The following HECTD2 variants were observed in gnomAD, a reference collection of about 807,000 sequenced individuals.
The protein encoded by HECTD2 is HECT domain E3 ubiquitin protein ligase 2, also known as probable E3 ubiquitin-protein ligase HECTD2.
A neutral mutation model predicts 103.2 loss-of-function variants in HECTD2; 35 were observed. That is an observed-to-expected ratio of 0.34 (90% CI 0.26 to 0.45). HECTD2 has a LOEUF of 0.45. Ranked by LOEUF, HECTD2 falls within the 20% of genes least tolerant of loss-of-function variation. The probability of loss-of-function intolerance (pLI) is 1.00; values close to 1 mark genes in which losing one functional copy is unlikely to be tolerated. For synonymous variants in HECTD2, 281 were observed against 329.9 expected (o/e 0.85, Z 1.61); for missense variants, 596 against 937.4 (o/e 0.64, Z 4.76).
At chr10:91,468,888 ATT>A (rs1845623045) in intron 5 of HECTD2, among the ~76,000 whole-genome samples, 2 of 144,642 alleles carry the variant, frequency 1.4e-5, no homozygotes, top group Admixed American at 1.4e-4. Context: ...GTGAGCTATG[ATT>A]GCACCACCAC....
intron 1 of HECTD2, among the ~76,000 whole-genome samples, chr10:91,415,124 G>C (rs1038254855): frequency 1.3e-5 from 2 of 151,774 alleles, no homozygotes; most frequent in African/African-American, 4.8e-5. Flanking sequence ...AAATGAAAGA[G>C]AAGAAAGATT....
At chr10:91,415,852 G>C (rs890603999) in intron 1 of HECTD2, among the ~76,000 whole-genome samples, 3 of 152,288 alleles carry the variant, frequency 2.0e-5, no homozygotes, top group African/African-American at 7.2e-5. Flanking sequence ...GGTATGAATA[G>C]ATCATTAAAT....
intron 1 of HECTD2, among the ~76,000 whole-genome samples, chr10:91,420,230 C>A (rs1843294653): frequency 6.7e-6 from 1 of 148,622 alleles, no homozygotes; most frequent in Non-Finnish European, 1.5e-5. Context: ...AAACAAGAGA[C>A]TTATTAGACC....
chr10:91,489,242 T>C (rs1290850610), intron 11 of HECTD2: 1 of 152,092 alleles, frequency 6.6e-6, no homozygotes, highest in Non-Finnish European at 1.5e-5. Flanking sequence ...AACGAATGAG[T>C]AGACACTTGA....
intron 20 of HECTD2, 77 bp downstream of exon 20, chr10:91,501,411 A>T: frequency 1.1e-6 from 1 of 892,562 alleles, no homozygotes; most frequent in South Asian, 2.0e-5. Flanking sequence ...ATTTGGAATC[A>T]GGATGTGTAC....
chr10:91,409,898 G>A, upstream of HECTD2, among the ~76,000 whole-genome samples: 1 of 152,176 alleles, frequency 6.6e-6, no homozygotes, highest in East Asian at 1.9e-4. Context: ...CCGCAGGCCA[G>A]GGCCGTCCGT....
chr10:91,460,923 A>C (rs1221285525), intron 3 of HECTD2, among the ~76,000 whole-genome samples: 1 of 152,196 alleles, frequency 6.6e-6, no homozygotes, highest in African/African-American at 2.4e-5. Context: ...CAAAAAATCC[A>C]GATGCATATT....
At chr10:91,506,283 C>T (rs140631266) in intron 20 of HECTD2, among the ~76,000 whole-genome samples, 6,504 of 152,004 alleles carry the variant, frequency 0.043, 44 homozygotes, top group Non-Finnish European at 0.062. Context: ...CAGAGCAGAA[C>T]TGAAGGAAAT....
At chr10:91,484,238 G>T in intron 8 of HECTD2, 1 of 722,852 alleles carries the variant, frequency 1.4e-6, no homozygotes, top group Non-Finnish European at 2.2e-6. Context: ...TGGAAATATA[G>T]AATCTGTGAA....
chr10:91,464,329 T>TA (rs1336760889), intron 5 of HECTD2, among the ~76,000 whole-genome samples: 2 of 152,150 alleles, frequency 1.3e-5, no homozygotes, highest in Admixed American at 1.3e-4. Context: ...CTCTGTGGCT[T>TA]AAAAAATTGC....
At position 91,415,193 on chromosome 10, in the gene HECTD2, A is replaced by AGTGTGTGTGTGTGTGTGT. The variant is rs397846279; in HGVS notation, c.138+4638_138+4655dup. On this transcript the variant is annotated intron_variant, in intron 1 of 20. Coordinates refer to ENST00000298068, the MANE Select transcript of HECTD2 (RefSeq NM_182765.6). ...GTCAATAGCATTCCAAATTAGAGAA[A>AGTGTGTGTGTGTGTGTGT]GTGTGTGTGTGTGTGTGTGTGTGTG... Among the ~76,000 whole-genome samples the AGTGTGTGTGTGTGTGTGT allele has an allele frequency of 3.9e-3, 550 of 141,726 alleles. 2 individuals are homozygous for AGTGTGTGTGTGTGTGTGT. The highest frequency in any genetic ancestry group is 5.7e-3 in the African/African-American group (218 of 37,916). 93.0% of individuals were successfully genotyped at this position (141,726 alleles called of 152,430 possible).
At chr10:91,505,706 CA>C (rs1847131458) in intron 20 of HECTD2, among the ~76,000 whole-genome samples, 1 of 151,530 alleles carries the variant, frequency 6.6e-6, no homozygotes, top group Non-Finnish European at 1.5e-5. Context: ...CAACATTAGA[CA>C]GATCAACGAG....
intron 20 of HECTD2, among the ~76,000 whole-genome samples, chr10:91,504,498 A>G (rs1170889442): frequency 4.0e-4 from 61 of 152,314 alleles, no homozygotes; most frequent in African/African-American, 3.6e-4. Flanking sequence ...CTCAGGAGCC[A>G]ATGCGATAAA....
chr10:91,434,925 T>A (rs1844051621), intron 2 of HECTD2, among the ~76,000 whole-genome samples: 1 of 151,974 alleles, frequency 6.6e-6, no homozygotes, highest in African/African-American at 2.4e-5. Context: ...TAAAAAGTAA[T>A]TCTATATCTT....
intron 5 of HECTD2, 91 bp from the exon 6 acceptor site, chr10:91,478,110 A>T (rs113450507): frequency 1.2e-6 from 1 of 833,718 alleles, no homozygotes; most frequent in Admixed American, 2.0e-5. Flanking sequence ...TCTGATTTTA[A>T]CTATTGAAAC....
chr10:91,497,456 ATTTTTTTTTTTTTT>A (rs34254753), intron 15 of HECTD2, among the ~76,000 whole-genome samples: 3 of 74,774 alleles, frequency 4.0e-5, no homozygotes, highest in Admixed American at 2.3e-4. Flanking sequence ...ACACCTGGCT[ATTTTTTTTTTTTTT>A]TTTTTTTTTT....
rs756193649 is a variant in HECTD2 at position 91,478,237 on chromosome 10, A to G, written c.637A>G (p.Ile213Val). 6.2e-7 allele frequency: 1 copy of G among 1,609,926 alleles called. No individual in the cohort carries two copies. The highest frequency in any genetic ancestry group is 2.2e-5 in the East Asian group (1 of 44,738). ...DVQKTVLKGIINSLLREWKGP... is the reference protein window; with the variant it reads ...DVQKTVLKGIVNSLLREWKGP... ...TCAGAAGACAGTATTAAAGGGAATC[A>G]TTAACAGCCTGTTACGAGAATGGAA... The change falls in exon 6 of 21, where the codon ATT becomes GTT. Residue 213 changes from isoleucine (I) to valine (V), a missense_variant. This residue lies in a region of HECTD2 where 303 missense variants were observed against 522.5 expected (regional missense o/e 0.58). Coordinates refer to ENST00000298068, the MANE Select transcript of HECTD2 (RefSeq NM_182765.6).
chr10:91,450,626 T>A (rs1223340769), intron 2 of HECTD2, among the ~76,000 whole-genome samples: 2 of 151,472 alleles, frequency 1.3e-5, no homozygotes, highest in African/African-American at 4.9e-5. Flanking sequence ...AATCTATCCA[T>A]CTGACAAAGG....
In HECTD2 at chr10:91,410,401, C is replaced by A; in HGVS notation, c.-38C>A. The A allele has an allele frequency of 1.6e-6, 2 of 1,277,316 alleles. No homozygotes were observed. The highest frequency in any genetic ancestry group is 2.0e-6 in the Non-Finnish European group (2 of 998,898). 79.1% of individuals were successfully genotyped at this position (1,277,316 alleles called of 1,614,324 possible). A position where few individuals can be genotyped will look rare whatever the true frequency, so the allele number is the denominator to read the frequency against. On this transcript the variant is annotated 5_prime_UTR_variant, in exon 1 of 21. Transcript: ENST00000298068. Reference sequence around the variant, plus strand: ...GCGCCAGCCCCAGCAACACTGAGGCCGCCGCCGCCGCCTGGCGCTCCCGCC... The same window carrying A: ...GCGCCAGCCCCAGCAACACTGAGGCAGCCGCCGCCGCCTGGCGCTCCCGCC...
Sources: allele counts gnomAD v4.1 joint callset (sites outside exome capture counted in the v4.1 genomes callset), GRCh38; gene constraint gnomAD v4.1.1; regional missense constraint gnomAD v4.1.1; transcripts MANE v1.5; gene names NCBI Gene and HGNC (gene_info 2026-07-23, HGNC 2026-07-21).